Variants in SPON1 observed in about 807,000 individuals in gnomAD.
The protein encoded by SPON1 is spondin 1.
Under a neutral mutation model 111.7 loss-of-function variants are expected in SPON1, and 52 were observed. The ratio of observed to expected loss-of-function variants is 0.47; its 90% CI spans 0.37 to 0.59. The LOEUF is 0.59. Among genes scored for constraint, SPON1 ranks in the 20% least tolerant of loss-of-function variants. The pLI is 0.00. For missense variants in SPON1, 957 were observed against 1,068.5 expected, an observed-to-expected ratio of 0.90 and a Z score of 1.46; for synonymous variants, 410 against 395.8, an observed-to-expected ratio of 1.04 and a Z score of -0.43.
At chr11:14,029,405 A>T (rs2133807655) in intron 2 of SPON1, among the ~76,000 whole-genome samples, 1 of 152,350 alleles carries the variant, frequency 6.6e-6, no homozygotes, top group Non-Finnish European at 1.5e-5. Context: ...TTTTGTTGAT[A>T]AACTTTCTCC....
intron 9 of SPON1, 38 bp downstream of exon 9, chr11:14,255,825 C>T (rs782176398): frequency 2.6e-5 from 42 of 1,603,886 alleles, no homozygotes; most frequent in Middle Eastern, 3.4e-4. Flanking sequence ...CGACCTTTCC[C>T]GGTAGGAGTG....
intron 1 of SPON1, among the ~76,000 whole-genome samples, chr11:13,968,732 G>T (rs868949101): frequency 6.6e-6 from 1 of 152,050 alleles, no homozygotes; most frequent in Non-Finnish European, 1.5e-5. Flanking sequence ...GCAGTGGACT[G>T]GGGGGAGAGG....
At chr11:14,105,907 C>G (rs1255814566) in intron 5 of SPON1, among the ~76,000 whole-genome samples, 1 of 152,150 alleles carries the variant, frequency 6.6e-6, no homozygotes, top group Non-Finnish European at 1.5e-5. Flanking sequence ...ATATTACTTT[C>G]CTTATATCTA....
intron 6 of SPON1, among the ~76,000 whole-genome samples, chr11:14,182,652 C>T (rs1848246502): frequency 6.6e-6 from 1 of 152,132 alleles, no homozygotes; most frequent in Non-Finnish European, 1.5e-5. Context: ...AATCGAGTCC[C>T]CATTCTGCAT....
chr11:14,240,589 TTGTGTGTGTGTG>T lies in SPON1; in HGVS notation c.826-2707_826-2696del, dbSNP rs56265194. On this transcript the variant is annotated intron_variant, in intron 6 of 15. Coordinates refer to ENST00000576479, the MANE Select transcript of SPON1 (RefSeq NM_006108.4). ...TTGGCCAAAAGGCCAAGAAGCAATA[TTGTGTGTGTGTG>T]TGTGTGTGTGTGTGTGTGTGTGTGT... 7.2e-4 allele frequency among the ~76,000 whole-genome samples: 101 copies of T among 140,344 alleles called. 1 individual carries two copies. The highest frequency in any genetic ancestry group is 4.4e-3 in the Admixed American group (61 of 13,934). The allele number at this position is 140,344 out of a possible 152,430, so 92.1% of individuals were successfully genotyped here. A position where few individuals can be genotyped will look rare whatever the true frequency, so the allele number is the denominator to read the frequency against.
chr11:14,129,867 A>G (rs1490478292), intron 5 of SPON1, among the ~76,000 whole-genome samples: 1 of 152,320 alleles, frequency 6.6e-6, no homozygotes, highest in East Asian at 1.9e-4. Context: ...CTTCTTCACA[A>G]GGCAGCAGGA....
At chr11:14,229,943 T>C (rs1353201125) in intron 6 of SPON1, among the ~76,000 whole-genome samples, 2 of 119,354 alleles carry the variant, frequency 1.7e-5, no homozygotes, top group African/African-American at 6.9e-5. Flanking sequence ...TCTGTCTGTC[T>C]GTGTGTCCGT....
At chr11:14,196,193 G>A (rs1365309551) in intron 6 of SPON1, among the ~76,000 whole-genome samples, 2 of 152,148 alleles carry the variant, frequency 1.3e-5, no homozygotes, top group Non-Finnish European at 2.9e-5. Context: ...AGAGAAGATG[G>A]GGGTGGCTAT....
At chr11:14,234,317 C>T (rs1296121196) in intron 6 of SPON1, among the ~76,000 whole-genome samples, 1 of 152,152 alleles carries the variant, frequency 6.6e-6, no homozygotes, top group Admixed American at 6.5e-5. Flanking sequence ...TTGCTCTGGC[C>T]TTGGCACTAA....
intron 6 of SPON1, among the ~76,000 whole-genome samples, chr11:14,141,053 A>G (rs1184276734): frequency 1.5e-5 from 2 of 130,258 alleles, no homozygotes; most frequent in African/African-American, 5.6e-5. Flanking sequence ...CACTGGCTCA[A>G]GATTTCCCCT....
chr11:14,014,807 CT>C (rs1208673208), intron 2 of SPON1, among the ~76,000 whole-genome samples: 7 of 152,126 alleles, frequency 4.6e-5, no homozygotes, highest in Admixed American at 2.6e-4. Flanking sequence ...TTTTTAAATA[CT>C]TTTTTAAAGT....
At chr11:14,107,161 G>A (rs782495385) in intron 5 of SPON1, among the ~76,000 whole-genome samples, 3 of 152,128 alleles carry the variant, frequency 2.0e-5, no homozygotes, top group Non-Finnish European at 4.4e-5. Flanking sequence ...CTTGAAATGG[G>A]GCTAAGAGGC....
rs907936669 is a variant in SPON1 at position 14,108,989 on chromosome 11, T to C, written c.677-26431T>C. On this transcript the variant is annotated intron_variant, in intron 5 of 15. Transcript: ENST00000576479. ...AAGCTGGGAGAAGGTAAGGAAACCA[T>C]TTAATTGTTGAGCTGAGTCCTGGGC... 3.3e-5 allele frequency among the ~76,000 whole-genome samples: 5 copies of C among 152,150 alleles called. No homozygotes were observed. In the East Asian group the frequency reaches 9.6e-4, roughly 29 times the overall value.
intron 1 of SPON1, among the ~76,000 whole-genome samples, chr11:13,966,875 T>G (rs576451747): frequency 6.6e-6 from 1 of 152,340 alleles, no homozygotes; most frequent in South Asian, 2.1e-4. Flanking sequence ...CCAGCATTCC[T>G]GTGAGAATTA....
In SPON1 at chr11:14,262,779, C is replaced by G; in HGVS notation, c.2064C>G (p.His688Gln). 1 of 1,613,964 alleles carries G rather than the reference C, an allele frequency of 6.2e-7. No homozygotes were observed. The highest frequency in any genetic ancestry group is 8.5e-7 in the Non-Finnish European group (1 of 1,179,886). Residue 688 changes from histidine to glutamine, a missense_variant, in exon 15 of 16, where the codon CAC becomes CAG. By Grantham distance (24) the His-to-Gln change is conservative. This residue lies in a region of SPON1 where 549 missense variants were observed against 606.2 expected (regional missense o/e 0.91). Coordinates refer to ENST00000576479, the MANE Select transcript of SPON1 (RefSeq NM_006108.4). ...GTAACAAGTCATGTGGGAAAGGCCACGTGATTCGAACCCGGATGATCCAAA... is the reference window on the plus strand; with the variant it reads ...GTAACAAGTCATGTGGGAAAGGCCAGGTGATTCGAACCCGGATGATCCAAA... Reference protein sequence around the residue: ...SECNKSCGKGHVIRTRMIQME... With the variant: ...SECNKSCGKGQVIRTRMIQME...
chr11:14,209,972 A>G (rs921584174), intron 6 of SPON1, among the ~76,000 whole-genome samples: 1 of 152,168 alleles, frequency 6.6e-6, no homozygotes, highest in Admixed American at 6.5e-5. Context: ...ATGAGATGGT[A>G]TCTCATTGTG....
At chr11:14,020,670 A>C (rs1848475109) in intron 2 of SPON1, among the ~76,000 whole-genome samples, 2 of 152,206 alleles carry the variant, frequency 1.3e-5, no homozygotes, top group Admixed American at 6.5e-5. Flanking sequence ...GGGGTGATTG[A>C]TCTGATCTGA....
At chr11:14,260,780 T>G (rs1554941839) in intron 14 of SPON1, 28 bp downstream of exon 14, 3 of 1,604,918 alleles carry the variant, frequency 1.9e-6, no homozygotes, top group South Asian at 2.2e-5. Context: ...TCAAGGCCCA[T>G]CACTTCTATG....
intron 2 of SPON1, among the ~76,000 whole-genome samples, chr11:14,023,860 G>A (rs1288903087): frequency 6.6e-6 from 1 of 152,170 alleles, no homozygotes; most frequent in Non-Finnish European, 1.5e-5. Context: ...AAATTAGCTG[G>A]GCGTAGTGGT....
Sources: gnomAD v4.1 joint callset for allele counts (sites outside exome capture counted in the v4.1 genomes callset) on GRCh38, gnomAD v4.1.1 for gene constraint, gnomAD v4.1.1 regional missense constraint, MANE v1.5 for transcripts, NCBI Gene and HGNC (gene_info 2026-07-23, HGNC 2026-07-21) for gene names.